SLC9A9: variants seen among roughly 807,000 people sequenced by gnomAD.
SLC9A9 encodes the protein sodium/hydrogen exchanger 9.
Under a neutral mutation model 77.8 loss-of-function variants are expected in SLC9A9, and 62 were observed. The observed-to-expected ratio is 0.80, with a 90% CI of 0.65 to 0.98. SLC9A9 has a LOEUF of 0.98. Among genes scored for constraint, SLC9A9 ranks in the 50% least tolerant of loss-of-function variants. SLC9A9 has a pLI of 0.00. For synonymous variants in SLC9A9, 320 were observed against 283.5 expected (o/e 1.13, Z -1.29); for missense variants, 775 against 774.9 (o/e 1.00, Z 0.00).
At chr3:143,283,058 AG>A (rs1938272377) in intron 14 of SLC9A9, among the ~76,000 whole-genome samples, 1 of 152,204 alleles carries the variant, frequency 6.6e-6, no homozygotes, top group African/African-American at 2.4e-5. Flanking sequence ...TCCTTGAGGG[AG>A]GGGCAAGTCT....
At chr3:143,353,393 C>T (rs2032514426) in intron 14 of SLC9A9, among the ~76,000 whole-genome samples, 1 of 152,112 alleles carries the variant, frequency 6.6e-6, no homozygotes. Flanking sequence ...GGGATTAGTG[C>T]CCTTATCAAA....
intron 12 of SLC9A9, among the ~76,000 whole-genome samples, chr3:143,427,001 G>A (rs2034419280): frequency 6.6e-6 from 1 of 152,184 alleles, no homozygotes; most frequent in African/African-American, 2.4e-5. Flanking sequence ...CAGTTTACTG[G>A]TATCTACAAG....
chr3:143,604,086 C>G (rs2037886086), intron 6 of SLC9A9, among the ~76,000 whole-genome samples: 1 of 152,178 alleles, frequency 6.6e-6, no homozygotes, highest in Non-Finnish European at 1.5e-5. Flanking sequence ...ACGTGCTTTC[C>G]TTTTCACTCT....
intron 8 of SLC9A9, among the ~76,000 whole-genome samples, chr3:143,564,734 A>G (rs190333452): frequency 6.6e-6 from 1 of 152,204 alleles, no homozygotes; most frequent in Non-Finnish European, 1.5e-5. Context: ...ATATAAGAAC[A>G]TCAATATAGA....
chr3:143,683,250 C>G (rs1933159690), intron 5 of SLC9A9, among the ~76,000 whole-genome samples: 1 of 152,176 alleles, frequency 6.6e-6, no homozygotes, highest in South Asian at 2.1e-4. Flanking sequence ...GATCAAGCAT[C>G]GCCTATTGAA....
intron 6 of SLC9A9, among the ~76,000 whole-genome samples, chr3:143,579,624 T>G (rs994764711): frequency 3.9e-5 from 6 of 152,180 alleles, no homozygotes; most frequent in African/African-American, 1.4e-4. Context: ...TTTGCAGTTT[T>G]TTATTTTAAT....
chr3:143,266,861 C>A lies in SLC9A9; in HGVS notation c.1779G>T (p.Glu593Asp). 6.2e-7 allele frequency: 1 copy of A among 1,614,152 alleles called. No homozygotes were observed. The highest frequency in any genetic ancestry group is 1.6e-4 in the Middle Eastern group (1 of 6,062). Residue 593 changes from glutamate to aspartate, a missense_variant, in exon 16 of 16, where the codon GAG becomes GAT. Glu to Asp is a conservative substitution (Grantham distance 45). Coordinates refer to ENST00000316549, the MANE Select transcript of SLC9A9 (RefSeq NM_173653.4). ...NQDELAINYQ[E>D]QASSPCSPPA... is the part of the protein sequence containing the mutation. ...GAGGACTGCAGGGTGAGGAGGCTTG[C>A]TCCTGGTAATTTATGGCTAGTTCAT...
At chr3:143,658,430 T>A (rs773554498) in intron 5 of SLC9A9, among the ~76,000 whole-genome samples, 3 of 152,234 alleles carry the variant, frequency 2.0e-5, no homozygotes, top group Non-Finnish European at 4.4e-5. Flanking sequence ...GATCTTAGTA[T>A]CTTTTGCCAT....
At chr3:143,485,168 G>A (rs1318294633) in intron 11 of SLC9A9, among the ~76,000 whole-genome samples, 1 of 152,118 alleles carries the variant, frequency 6.6e-6, no homozygotes, top group Non-Finnish European at 1.5e-5. Context: ...AGGAGCCGGG[G>A]TGAGCAAAAA....
intron 4 of SLC9A9, among the ~76,000 whole-genome samples, chr3:143,711,643 TAGGC>T (rs1934198315): frequency 1.3e-5 from 2 of 151,526 alleles, no homozygotes; most frequent in Non-Finnish European, 2.9e-5. Context: ...CTTGAATTCC[TAGGC>T]TCAAGTGACC....
intron 11 of SLC9A9, among the ~76,000 whole-genome samples, chr3:143,479,070 G>C (rs1320283893): frequency 3.3e-5 from 5 of 152,170 alleles, no homozygotes; most frequent in African/African-American, 4.8e-5. Context: ...GCATGTTCCT[G>C]TTGTCTGCAC....
At position 143,404,828 on chromosome 3, in the gene SLC9A9, C is replaced by A. The variant is rs552284175; in HGVS notation, c.1470-22714G>T. Among the ~76,000 whole-genome samples, 31 of 152,354 alleles carry A rather than the reference C, an allele frequency of 2.0e-4. 2 individuals carry two copies. Among genetic ancestry groups the A allele is most frequent in the African/African-American group, 7.0e-4 (29 of 41,588 alleles). ...GGAAGTCTATTTTCCTTGCCTTGTG[C>A]AGCCTCTGATGGTTACTGCTCAGTT... On this transcript the variant is annotated intron_variant, in intron 12 of 15. Coordinates refer to ENST00000316549, the MANE Select transcript of SLC9A9 (RefSeq NM_173653.4).
chr3:143,371,177 G>A (rs2033050217), intron 13 of SLC9A9, among the ~76,000 whole-genome samples: 1 of 152,282 alleles, frequency 6.6e-6, no homozygotes, highest in Non-Finnish European at 1.5e-5. Context: ...AGAAACTCTT[G>A]TGAAATTGAG....
intron 4 of SLC9A9, among the ~76,000 whole-genome samples, chr3:143,783,523 G>A (rs2007949801): frequency 6.6e-6 from 1 of 152,086 alleles, no homozygotes; most frequent in African/African-American, 2.4e-5. Context: ...TGATCAATAG[G>A]ACAATAGGTA....
rs571828221 is a variant in SLC9A9 at position 143,291,404 on chromosome 3, G to A, written c.1605-22424C>T. On this transcript the variant is annotated intron_variant, in intron 14 of 15. Coordinates refer to ENST00000316549, the MANE Select transcript of SLC9A9 (RefSeq NM_173653.4). ...AGAAGAGCTCAGGTGGTGGAAGGCC[G>A]GGAGGCAGGGTTTATTCTGAGTAGG... Among the ~76,000 whole-genome samples the A allele has an allele frequency of 5.9e-5, 9 of 152,278 alleles. No homozygotes were observed. In the South Asian group the frequency reaches 1.9e-3, roughly 32 times the overall value.
chr3:143,403,463 C>T (rs896683274), intron 12 of SLC9A9, among the ~76,000 whole-genome samples: 7 of 149,896 alleles, frequency 4.7e-5, no homozygotes, highest in South Asian at 2.1e-4. Flanking sequence ...TTTTTTTCCA[C>T]GTGGATTTGA....
At chr3:143,625,472 C>A (rs1049848706) in intron 6 of SLC9A9, among the ~76,000 whole-genome samples, 1 of 152,138 alleles carries the variant, frequency 6.6e-6, no homozygotes, top group Non-Finnish European at 1.5e-5. Flanking sequence ...ATATCTATAA[C>A]CATCTGATCT....
At position 143,795,071 on chromosome 3, in the gene SLC9A9, AG is replaced by A; in HGVS notation, c.462del (p.Gln157LysfsTer3). On this transcript the variant is annotated frameshift_variant, in exon 4 of 16. Coordinates refer to ENST00000316549, the MANE Select transcript of SLC9A9 (RefSeq NM_173653.4). LOFTEE classifies it high-confidence loss of function. ...AAAATAGATCCTAAGTTTTGAAAAAAGTGTCTCTGGGGAGAAAAAAAGATAT... is the reference window on the plus strand; with the variant it reads ...AAAATAGATCCTAAGTTTTGAAAAAATGTCTCTGGGGAGAAAAAAAGATAT... ...FHAGYSLKKR[H>X]FFQNLGSILT... 6.2e-7 allele frequency: 1 copy of A among 1,613,318 alleles called. No homozygotes were observed. The highest frequency in any genetic ancestry group is 1.3e-5 in the African/African-American group (1 of 74,992).
chr3:143,268,159 C>G (rs144642363), intron 15 of SLC9A9, among the ~76,000 whole-genome samples: 1 of 152,298 alleles, frequency 6.6e-6, no homozygotes, highest in Non-Finnish European at 1.5e-5. Flanking sequence ...ACTTGCAAAC[C>G]TAAGACTGTG....
Sources: allele counts gnomAD v4.1 joint callset (sites outside exome capture counted in the v4.1 genomes callset), GRCh38; gene constraint gnomAD v4.1.1; transcripts MANE v1.5; gene names NCBI Gene and HGNC (gene_info 2026-07-23, HGNC 2026-07-21).